The following TAOK1 variants were observed in gnomAD, a reference collection of about 807,000 sequenced individuals.
The protein encoded by TAOK1 is serine/threonine-protein kinase TAO1.
TAOK1 carries 21 observed loss-of-function variants against 138.3 expected under a neutral mutation model. That is an observed-to-expected ratio of 0.15 (90% CI 0.11 to 0.22). TAOK1 has a LOEUF of 0.22. TAOK1 is among the 10% of genes least tolerant of loss of function. TAOK1 has a pLI of 1.00. For missense variants in TAOK1, 651 were observed against 1,227.7 expected (o/e 0.53, Z 7.02); for synonymous variants, 361 against 398.4 (o/e 0.91, Z 1.12).
At chr17:29,446,031 GTGT>G (rs1293516455) in intron 1 of TAOK1, among the ~76,000 whole-genome samples, 2 of 152,084 alleles carry the variant, frequency 1.3e-5, no homozygotes, top group Admixed American at 6.6e-5. Context: ...CATTTCATCT[GTGT>G]TGTCAGATTT....
intron 2 of TAOK1, among the ~76,000 whole-genome samples, chr17:29,464,491 A>G (rs960909251): frequency 6.6e-6 from 1 of 151,978 alleles, no homozygotes; most frequent in Admixed American, 6.6e-5. Flanking sequence ...TGACCGTTCT[A>G]ATGGTTGCAC....
At chr17:29,429,713 T>C (rs1165791843) in intron 1 of TAOK1, among the ~76,000 whole-genome samples, 1 of 152,246 alleles carries the variant, frequency 6.6e-6, no homozygotes, top group East Asian at 1.9e-4. Flanking sequence ...TTTCAGGATC[T>C]AATTTAGGAT....
chr17:29,483,706 A>C (rs975287521), intron 8 of TAOK1, among the ~76,000 whole-genome samples: 1 of 151,908 alleles, frequency 6.6e-6, no homozygotes. Context: ...ATAGTTTAAC[A>C]ACATCAACAA....
At chr17:29,403,146 G>A (rs1299555914) in intron 1 of TAOK1, among the ~76,000 whole-genome samples, 1 of 106,100 alleles carries the variant, frequency 9.4e-6, no homozygotes, top group African/African-American at 4.0e-5. Flanking sequence ...GGGTGACAGG[G>A]CAAGATTTTG....
intron 1 of TAOK1, among the ~76,000 whole-genome samples, chr17:29,398,990 T>TA (rs950420084): frequency 2.6e-5 from 4 of 151,592 alleles, no homozygotes; most frequent in African/African-American, 9.7e-5. Context: ...GATAATTTTT[T>TA]TTTTTTTTTT....
At chr17:29,420,587 T>TTTG (rs1016213121) in intron 1 of TAOK1, among the ~76,000 whole-genome samples, 1 of 148,746 alleles carries the variant, frequency 6.7e-6, no homozygotes, top group African/African-American at 2.5e-5. Context: ...CTTAATCTGT[T>TTTG]TTTTTTTTTT....
intron 14 of TAOK1, among the ~76,000 whole-genome samples, chr17:29,510,134 T>C (rs557576419): frequency 1.3e-5 from 2 of 151,340 alleles, no homozygotes; most frequent in Non-Finnish European, 2.9e-5. Flanking sequence ...CCCAGCACTT[T>C]GGGAGGCCGA....
chr17:29,489,178 A>G (rs2031244620), intron 8 of TAOK1, among the ~76,000 whole-genome samples: 2 of 152,144 alleles, frequency 1.3e-5, no homozygotes, highest in Admixed American at 6.5e-5. Context: ...CAGGTCAGCA[A>G]TTTATTCTCA....
At chr17:29,406,727 C>T (rs561730546) in intron 1 of TAOK1, among the ~76,000 whole-genome samples, 1 of 152,146 alleles carries the variant, frequency 6.6e-6, no homozygotes, top group African/African-American at 2.4e-5. Flanking sequence ...CTGGCATACA[C>T]CACCATGGCC....
chr17:29,542,388 A>G (rs1215309256), intron 19 of TAOK1, among the ~76,000 whole-genome samples, 173 bp from the exon 20 acceptor site: 3 of 152,214 alleles, frequency 2.0e-5, no homozygotes, highest in Admixed American at 6.5e-5. Context: ...ATATATAAAA[A>G]CTTTAAAAAT....
intron 8 of TAOK1, among the ~76,000 whole-genome samples, chr17:29,483,536 T>C (rs774776282): frequency 6.6e-6 from 1 of 152,214 alleles, no homozygotes; most frequent in Admixed American, 6.5e-5. Flanking sequence ...TCTTGCTTAT[T>C]ATTACACAGT....
At chr17:29,444,063 C>T (rs1012587767) in intron 1 of TAOK1, among the ~76,000 whole-genome samples, 6 of 151,378 alleles carry the variant, frequency 4.0e-5, no homozygotes, top group African/African-American at 1.2e-4. Context: ...TGCAATGAGC[C>T]GAGATGGCGC....
At chr17:29,502,352 C>T (rs528549975) in intron 12 of TAOK1, among the ~76,000 whole-genome samples, 9 of 152,264 alleles carry the variant, frequency 5.9e-5, no homozygotes, top group African/African-American at 1.9e-4. Flanking sequence ...ATCGTTTGAG[C>T]TTGGGAGGTT....
intron 1 of TAOK1, among the ~76,000 whole-genome samples, chr17:29,408,583 G>A (rs1438773257): frequency 1.3e-5 from 2 of 152,040 alleles, no homozygotes; most frequent in African/African-American, 4.8e-5. Context: ...AATTTTTAAT[G>A]TACAGATCAG....
chr17:29,496,387 G>T (rs1390457562), intron 11 of TAOK1, among the ~76,000 whole-genome samples: 1 of 152,016 alleles, frequency 6.6e-6, no homozygotes, highest in Non-Finnish European at 1.5e-5. Flanking sequence ...CAAAGTGCTG[G>T]GATTACAGGC....
intron 19 of TAOK1, among the ~76,000 whole-genome samples, chr17:29,540,535 TTC>T: frequency 6.6e-6 from 1 of 151,880 alleles, no homozygotes; most frequent in East Asian, 1.9e-4. Context: ...CGGCTAATTT[TTC>T]TTTTTGTTTT....
chr17:29,447,038 C>CT (rs879753236), intron 1 of TAOK1, among the ~76,000 whole-genome samples: 4,799 of 131,498 alleles, frequency 0.036, 252 homozygotes, highest in African/African-American at 0.12. Flanking sequence ...CTGTGGCTGG[C>CT]TTTTTTTTTT....
intron 1 of TAOK1, among the ~76,000 whole-genome samples, chr17:29,444,644 T>C (rs1439797087): frequency 1.3e-5 from 2 of 152,222 alleles, no homozygotes; most frequent in Admixed American, 1.3e-4. Context: ...ACTTTGGAGC[T>C]TTTGCCTTTT....
At chr17:29,520,515 G>GC (rs1476732042) in intron 16 of TAOK1, among the ~76,000 whole-genome samples, 1 of 151,530 alleles carries the variant, frequency 6.6e-6, no homozygotes, top group Non-Finnish European at 1.5e-5. Context: ...CTGGGTTCAA[G>GC]CCATTCCCCT....
Sources: allele counts gnomAD v4.1 joint callset (sites outside exome capture counted in the v4.1 genomes callset), GRCh38; gene constraint gnomAD v4.1.1; transcripts MANE v1.5; gene names NCBI Gene and HGNC (gene_info 2026-07-23, HGNC 2026-07-21).